CDKL2: variants seen among roughly 807,000 people sequenced by gnomAD.
CDKL2 encodes the protein cyclin dependent kinase like 2.
CDKL2 carries 64 observed loss-of-function variants against 63.9 expected under a neutral mutation model. That is an observed-to-expected ratio of 1.00 (90% CI 0.82 to 1.23). CDKL2 has a LOEUF of 1.23. CDKL2 is among the 50% of genes most tolerant of loss of function. CDKL2 has a pLI of 0.00. For missense variants in CDKL2, 656 were observed against 668.0 expected, an observed-to-expected ratio of 0.98 and a Z score of 0.20; for synonymous variants, 211 against 229.2, an observed-to-expected ratio of 0.92 and a Z score of 0.72.
chr4:75,625,768 C>G (rs1730370967), intron 2 of CDKL2, 53 bp downstream of exon 2: 1 of 1,371,234 alleles, frequency 7.3e-7, no homozygotes, highest in Admixed American at 2.2e-5. Flanking sequence ...TTCTTATTGC[C>G]AAAAAAGAAA....
At chr4:75,611,912 C>T (rs6812339) in intron 3 of CDKL2, among the ~76,000 whole-genome samples, 22,658 of 151,736 alleles carry the variant, frequency 0.15, 2,262 homozygotes, top group African/African-American at 0.28. Context: ...CCTCGGCCTC[C>T]CAAATTGCTG....
At chr4:75,599,202 A>C (rs746189840) in intron 7 of CDKL2, among the ~76,000 whole-genome samples, 1 of 152,238 alleles carries the variant, frequency 6.6e-6, no homozygotes, top group Non-Finnish European at 1.5e-5. Context: ...AATGGATTTT[A>C]ATTTAACAAA....
At chr4:75,609,946 G>A (rs1729611301) in intron 3 of CDKL2, among the ~76,000 whole-genome samples, 1 of 151,780 alleles carries the variant, frequency 6.6e-6, no homozygotes, top group Non-Finnish European at 1.5e-5. Context: ...GCTCACACCT[G>A]TAATCCCAGC....
Position 75,625,781 on chromosome 4 carries a change from TATACTC to T in CDKL2, c.168+34_168+39del, listed in dbSNP as rs554289174. On this transcript the variant is annotated intron_variant, in intron 2 of 13. Transcript: ENST00000307465. ...TCTTCTTATTGCCAAAAAAGAAACT[TATACTC>T]ATATTTTTTGATTCAATATATGCAT... 634 of 1,479,706 alleles carry T rather than the reference TATACTC, an allele frequency of 4.3e-4. 3 individuals carry two copies. The African/African-American group carries it at 7.6e-3, about 18-fold the overall frequency. 91.7% of individuals were successfully genotyped at this position (1,479,706 alleles called of 1,614,324 possible).
intron 6 of CDKL2, among the ~76,000 whole-genome samples, chr4:75,601,318 CA>C (rs1299910688): frequency 6.6e-6 from 1 of 152,042 alleles, no homozygotes; most frequent in Non-Finnish European, 1.5e-5. Context: ...AGATGCTTTA[CA>C]AAGATTATTT....
intron 2 of CDKL2, among the ~76,000 whole-genome samples, chr4:75,617,999 G>A (rs562028309): frequency 3.3e-5 from 5 of 151,232 alleles, no homozygotes; most frequent in Non-Finnish European, 4.4e-5. Flanking sequence ...TACTCAGGAG[G>A]CTGAGGCATG....
At chr4:75,599,548 CAAAA>C (rs71657365) in intron 7 of CDKL2, among the ~76,000 whole-genome samples, 42 of 69,656 alleles carry the variant, frequency 6.0e-4, no homozygotes, top group Middle Eastern at 9.6e-3. Flanking sequence ...GCAACAAGAG[CAAAA>C]AAAAAAAAAA....
At position 75,626,392 on chromosome 4, in the gene CDKL2, C is replaced by T. The variant is rs991061261; in HGVS notation, c.-29-375G>A. On this transcript the variant is annotated intron_variant, in intron 1 of 13. Coordinates refer to ENST00000307465, the MANE Select transcript of CDKL2 (RefSeq NM_001330724.2). ...TTAAAAAGCACAATTCCAGACCGGG[C>T]GCAGTGGCTCACGCCTGTAATCCCA... Among the ~76,000 whole-genome samples the T allele has an allele frequency of 3.3e-5, 5 of 152,196 alleles. No homozygotes were observed. In the South Asian group the frequency reaches 6.2e-4, roughly 19 times the overall value.
Position 75,596,963 on chromosome 4 carries a change from T to C in CDKL2, c.1294A>G (p.Thr432Ala). The stretch of plus-strand genomic sequence containing the variant: ...TAACCCTGAATTGGTATAGTCTCAG[T>C]CCCCATTCCAGAATTAATGCTGGGA... ...VAPSINSGMG[T>A]ETIPIQGYRV... Residue 432 changes from threonine (T) to alanine (A), a missense_variant, in exon 9 of 14, where the codon ACT (threonine) becomes GCT (alanine). Thr to Ala is a moderately conservative substitution (Grantham distance 58, BLOSUM62 0). Coordinates refer to ENST00000307465, the MANE Select transcript of CDKL2 (RefSeq NM_001330724.2). 1 of 1,614,120 alleles carries C rather than the reference T, an allele frequency of 6.2e-7. No individual in the cohort carries two copies. Among genetic ancestry groups the C allele is most frequent in the South Asian group, 1.1e-5 (1 of 91,080 alleles).
rs1728066278 is a variant in CDKL2 at position 75,577,345 on chromosome 4, A to G, written c.*1857T>C. Among the ~76,000 whole-genome samples, 1 of 152,192 alleles carries G rather than the reference A, an allele frequency of 6.6e-6. No homozygotes were observed. On this transcript the variant is annotated 3_prime_UTR_variant, in exon 14 of 14. Coordinates refer to ENST00000307465, the MANE Select transcript of CDKL2 (RefSeq NM_001330724.2). ...AGAATCACTGAAACCAATTTGCAGA[A>G]TCTTTTTCTAGTAGTTCTGCCACAG...
rs1280901880 is a variant in CDKL2 at position 75,591,809 on chromosome 4, A to G, written c.1647+10T>C. ...GAGTTCTGTCCATCCTATAAAGAGT[A>G]TTTCTGTACCTGATGTAATGTAATA... On this transcript the variant is annotated intron_variant, in intron 12 of 13. Transcript: ENST00000307465. 6.6e-7 allele frequency: 1 copy of G among 1,513,734 alleles called. No homozygotes were observed. Among genetic ancestry groups the G allele is most frequent in the Non-Finnish European group, 8.9e-7 (1 of 1,127,134 alleles). The allele number at this position is 1,513,734 out of a possible 1,614,324, so 93.8% of individuals were successfully genotyped here. A position where few individuals can be genotyped will look rare whatever the true frequency, so the allele number is the denominator to read the frequency against.
At chr4:75,611,178 G>T (rs1048864786) in intron 3 of CDKL2, among the ~76,000 whole-genome samples, 18 of 152,106 alleles carry the variant, frequency 1.2e-4, no homozygotes, top group Admixed American at 1.2e-3. Flanking sequence ...GTAAATGGAG[G>T]CTGGGCACAG....
At chr4:75,601,822 G>T (rs543582845) in intron 6 of CDKL2, among the ~76,000 whole-genome samples, 1 of 152,176 alleles carries the variant, frequency 6.6e-6, no homozygotes, top group East Asian at 1.9e-4. Context: ...ATTATTCTAA[G>T]AACTTGTTTA....
chr4:75,592,249 G>T lies in CDKL2; in HGVS notation c.1437C>A (p.Leu479=), dbSNP rs1029368264. 2.9e-5 allele frequency: 44 copies of T among 1,532,398 alleles called. No individual in the cohort carries two copies. In the African/African-American group the frequency reaches 5.9e-4, roughly 21 times the overall value. 94.9% of individuals were successfully genotyped at this position (1,532,398 alleles called of 1,614,324 possible). A position where few individuals can be genotyped will look rare whatever the true frequency, so the allele number is the denominator to read the frequency against. The change falls in exon 11 of 14, where the codon CTC becomes CTA. Residue 479 remains leucine (L), a synonymous_variant. Coordinates refer to ENST00000307465, the MANE Select transcript of CDKL2 (RefSeq NM_001330724.2). ...CTCTTCTTTTCTTACTTGCCCAAAA[G>T]AGGTTTTTTTCACTAGAGACCTAAT... ...VTTLVSSEKN[L]FWASKKRREY...
At chr4:75,604,397 A>C (rs1729335143) in intron 5 of CDKL2, among the ~76,000 whole-genome samples, 1 of 152,214 alleles carries the variant, frequency 6.6e-6, no homozygotes, top group Non-Finnish European at 1.5e-5. Flanking sequence ...TGAATGTAGA[A>C]TATATCTGAA....
intron 1 of CDKL2, among the ~76,000 whole-genome samples, chr4:75,626,461 T>G (rs1429525124): frequency 1.3e-5 from 2 of 151,864 alleles, no homozygotes; most frequent in South Asian, 2.1e-4. Flanking sequence ...GGTCGGGAGA[T>G]TGAGACCATC....
rs371907483 is a variant in CDKL2 at position 75,625,093 on chromosome 4, A to G, written c.168+728T>C. Among the ~76,000 whole-genome samples the G allele has an allele frequency of 2.0e-4, 31 of 152,352 alleles. 1 individual carries two copies. The East Asian group carries it at 2.9e-3, about 14-fold the overall frequency. On this transcript the variant is annotated intron_variant, in intron 2 of 13. Coordinates refer to ENST00000307465, the MANE Select transcript of CDKL2 (RefSeq NM_001330724.2). ...GTTGGATAAAACAAGCATGTAAGGA[A>G]AATAAATAAGAATTTGGAAGATTTG...
chr4:75,587,212 G>A (rs1267589326), intron 12 of CDKL2, among the ~76,000 whole-genome samples: 2 of 151,934 alleles, frequency 1.3e-5, no homozygotes, highest in African/African-American at 2.4e-5. Flanking sequence ...CCAGCACTTC[G>A]GGAGGCTGAG....
At chr4:75,580,997 G>A (rs1728240801) in intron 13 of CDKL2, among the ~76,000 whole-genome samples, 1 of 152,202 alleles carries the variant, frequency 6.6e-6, no homozygotes, top group Non-Finnish European at 1.5e-5. Context: ...ACCGCGCCCA[G>A]CCTTGGCTTT....
Sources: allele counts gnomAD v4.1 joint callset (sites outside exome capture counted in the v4.1 genomes callset), GRCh38; gene constraint gnomAD v4.1.1; transcripts MANE v1.5; gene names NCBI Gene and HGNC (gene_info 2026-07-23, HGNC 2026-07-21).